The following RGPD1 variants were observed in gnomAD, a reference collection of about 807,000 sequenced individuals.
RGPD1 encodes the protein RANBP2 like and GRIP domain containing 1, also known as RANBP2-like and GRIP domain-containing protein 1.
Under a neutral mutation model 40.6 loss-of-function variants are expected in RGPD1, and 7 were observed. The observed-to-expected ratio is 0.17, with a 90% CI of 0.10 to 0.32. The LOEUF is 0.32. Among genes scored for constraint, RGPD1 ranks in the 10% least tolerant of loss-of-function variants. The pLI is 1.00. For missense variants in RGPD1, 50 were observed against 472.5 expected (o/e 0.11, Z 8.29); for synonymous variants, 24 against 167.0 (o/e 0.14, Z 6.60).
At chr2:86,941,324 A>G (rs1362382765), upstream of RGPD1, among the ~76,000 whole-genome samples, 1 of 150,304 alleles carries the variant, frequency 6.7e-6, no homozygotes, top group African/African-American at 2.4e-5. Flanking sequence ...TATTACTGTT[A>G]AATTTTGGTA....
chr2:86,947,756 A>G (rs1038048543), intron 1 of RGPD1, among the ~76,000 whole-genome samples: 1 of 140,266 alleles, frequency 7.1e-6, no homozygotes, highest in African/African-American at 2.7e-5. Context: ...ATGTTTCAGT[A>G]TCTAGACTTT....
intron 21 of RGPD1, among the ~76,000 whole-genome samples, chr2:86,996,560 T>C (rs1449517239): frequency 8.2e-6 from 1 of 122,638 alleles, no homozygotes; most frequent in Admixed American, 7.9e-5. Context: ...CTTTGTCTTC[T>C]TTATTGTCAC....
Position 86,933,400 on chromosome 2 carries a change from A to G in RGPD1, c.73-17896A>G, listed in dbSNP as rs1477846359. Among the ~76,000 whole-genome samples the G allele has an allele frequency of 3.3e-5, 5 of 150,584 alleles. No individual in the cohort carries two copies. In the East Asian group the frequency reaches 9.6e-4, roughly 29 times the overall value. On this transcript the variant is annotated intron_variant, in intron 1 of 22. Coordinates refer to the RGPD1 transcript ENST00000398193. The stretch of plus-strand genomic sequence containing the variant: ...AATGATTTTGTTTAGTATAAATAAT[A>G]CTGGTATGACAACTGAATGCAATTG...
intron 22 of RGPD1, among the ~76,000 whole-genome samples, chr2:87,010,838 G>A (rs1369160344): frequency 1.5e-5 from 1 of 65,756 alleles, no homozygotes; most frequent in Admixed American, 1.3e-4. Context: ...ACCCGGAGGC[G>A]GAGGTTGTGG....
At chr2:86,942,595 A>G (rs1199846441) in intron 1 of RGPD1, among the ~76,000 whole-genome samples, 17 of 99,888 alleles carry the variant, frequency 1.7e-4, no homozygotes, top group African/African-American at 5.3e-4. Flanking sequence ...CTCAGGCGTC[A>G]TGGCTCCCGA....
intron 1 of RGPD1, among the ~76,000 whole-genome samples, chr2:86,915,167 A>G (rs1677733166): frequency 6.7e-6 from 1 of 150,072 alleles, no homozygotes; most frequent in Admixed American, 6.6e-5. Context: ...GTGGTGGTGC[A>G]CTTCTGTAAT....
In RGPD1 at chr2:86,920,123, G is replaced by T. The variant is rs1296577694; in HGVS notation, c.72+6202G>T. Among the ~76,000 whole-genome samples the T allele has an allele frequency of 4.0e-5, 6 of 151,896 alleles. 1 individual carries two copies. The highest frequency in any genetic ancestry group is 8.8e-5 in the Non-Finnish European group (6 of 67,950). ...TTTGCTCTGTCGTCTAGGCTGGAAT[G>T]CAGTGGCGTTATCCTGGCTCATTAC... On this transcript the variant is annotated intron_variant, in intron 1 of 22. Transcript: ENST00000398193.
At chr2:86,924,494 T>C (rs1678312862) in intron 1 of RGPD1, among the ~76,000 whole-genome samples, 2 of 150,108 alleles carry the variant, frequency 1.3e-5, no homozygotes, top group South Asian at 4.2e-4. Context: ...AGAGACGGGG[T>C]GTCACTTTTT....
intron 1 of RGPD1, chr2:86,930,700 C>T (rs1040246447): frequency 4.4e-6 from 7 of 1,585,718 alleles, no homozygotes; most frequent in Middle Eastern, 2.3e-4. Context: ...TGTTGCGGCG[C>T]CCGAAGTGCC....
At chr2:86,978,802 CAG>C (rs1424161626) in intron 17 of RGPD1, among the ~76,000 whole-genome samples, 3 of 1,230 alleles carry the variant, frequency 2.4e-3, no homozygotes, top group African/African-American at 0.02. Context: ...GTTCCTGACA[CAG>C]AGAAGGTTCC....
upstream of RGPD1, among the ~76,000 whole-genome samples, chr2:86,941,750 G>A (rs1345206666): frequency 4.3e-4 from 64 of 149,376 alleles, no homozygotes; most frequent in Non-Finnish European, 8.6e-4. Context: ...TCTTACTCTC[G>A]CCCAGGCTTG....
In RGPD1 at chr2:86,962,522, A is replaced by C. The variant is rs1214429499; in HGVS notation, c.780-507A>C. ...GACTCTGTCTCAAAAAAAAAAAAAAAAAAAAAAAAAAGACAATTTATTTAA... is the reference window on the plus strand; with the variant it reads ...GACTCTGTCTCAAAAAAAAAAAAAACAAAAAAAAAAAGACAATTTATTTAA... On this transcript the variant is annotated intron_variant, in intron 6 of 22. Coordinates refer to ENST00000641458, the MANE Select transcript of RGPD1 (RefSeq NM_001382344.1). Among the ~76,000 whole-genome samples the C allele has an allele frequency of 4.8e-5, 6 of 125,322 alleles. No individual in the cohort carries two copies. The East Asian group carries it at 9.8e-4, about 20-fold the overall frequency. The allele number at this position is 125,322 out of a possible 152,430, so 82.2% of individuals were successfully genotyped here. A position where few individuals can be genotyped will look rare whatever the true frequency, so the allele number is the denominator to read the frequency against.
upstream of RGPD1, among the ~76,000 whole-genome samples, chr2:86,940,378 AC>A (rs2104749764): frequency 1.4e-5 from 1 of 72,704 alleles, no homozygotes; most frequent in South Asian, 4.9e-4. Flanking sequence ...GCTCACTGCA[AC>A]CTCCACCTCC....
intron 20 of RGPD1, among the ~76,000 whole-genome samples, chr2:86,993,317 CT>C: frequency 8.0e-6 from 1 of 125,298 alleles, no homozygotes; most frequent in African/African-American, 3.2e-5. Context: ...TACACACAGT[CT>C]TTAGAGCAGC....
chr2:86,942,269 C>G lies in RGPD1; in HGVS notation c.33C>G (p.Tyr11Ter), dbSNP rs558026351. The change falls in exon 1 of 23, where the codon TAC (tyrosine) becomes TAG (stop). Residue 11 changes from tyrosine to a stop codon, truncating the protein, a stop_gained. Coordinates refer to ENST00000641458, the MANE Select transcript of RGPD1 (RefSeq NM_001382344.1). LOFTEE classifies it high-confidence loss of function. MRRSKAYGER[Y>*]VASVQGSAPS... Reference sequence around the variant, plus strand: ...GCAGCAAGGCCTACGGGGAGCGGTACGTCGCCTCGGTGCAGGGCTCCGCCC... The same window carrying G: ...GCAGCAAGGCCTACGGGGAGCGGTAGGTCGCCTCGGTGCAGGGCTCCGCCC... 19 of 1,606,786 alleles carry G rather than the reference C, an allele frequency of 1.2e-5. No individual in the cohort carries two copies. The highest frequency in any genetic ancestry group is 3.3e-5 in the South Asian group (3 of 90,060).
chr2:86,933,183 G>A (rs1679101207), intron 1 of RGPD1, among the ~76,000 whole-genome samples: 3 of 150,200 alleles, frequency 2.0e-5, no homozygotes, highest in South Asian at 2.1e-4. Context: ...AGAACTTTTG[G>A]AGGTTTTCCT....
chr2:86,927,210 A>G (rs1678573987), intron 1 of RGPD1, among the ~76,000 whole-genome samples: 1 of 150,952 alleles, frequency 6.6e-6, no homozygotes, highest in South Asian at 2.1e-4. Context: ...CGTGGAGTAA[A>G]TACCTTTCCT....
chr2:86,914,252 G>C (rs1375035514), intron 1 of RGPD1, among the ~76,000 whole-genome samples: 1 of 96,204 alleles, frequency 1.0e-5, no homozygotes, highest in Admixed American at 9.4e-5. Flanking sequence ...CGGCGGCGGC[G>C]GCGGCCTCGG....
chr2:86,924,786 CT>C (rs145547418), intron 1 of RGPD1, among the ~76,000 whole-genome samples: 17,692 of 150,080 alleles, frequency 0.12, 24 homozygotes, highest in Non-Finnish European at 0.15. Context: ...AATTTAATTT[CT>C]TTTAAATTAA....
Sources: allele counts gnomAD v4.1 joint callset (sites outside exome capture counted in the v4.1 genomes callset), GRCh38; gene constraint gnomAD v4.1.1; transcripts MANE v1.5; gene names NCBI Gene and HGNC (gene_info 2026-07-23, HGNC 2026-07-21).